Variants in ANKS1B observed in about 807,000 individuals in gnomAD.
ANKS1B encodes ankyrin repeat and sterile alpha motif domain-containing protein 1B.
A neutral mutation model predicts 148.3 loss-of-function variants in ANKS1B; 36 were observed. That is an observed-to-expected ratio of 0.24 (90% CI 0.19 to 0.32). The LOEUF (loss-of-function observed/expected upper bound fraction) is 0.32. ANKS1B is among the 10% of genes least tolerant of loss of function. The pLI, the probability that ANKS1B is intolerant of heterozygous loss-of-function variation, is 1.00. For missense variants in ANKS1B, 1,157 were observed against 1,542.6 expected (o/e 0.75, Z 4.19); for synonymous variants, 542 against 560.8 (o/e 0.97, Z 0.47).
At chr12:99,556,774 G>T (rs7398286) in intron 9 of ANKS1B, among the ~76,000 whole-genome samples, 1 of 151,978 alleles carries the variant, frequency 6.6e-6, no homozygotes, top group Non-Finnish European at 1.5e-5. Context: ...TCTTAGTATT[G>T]GTTTCTATTT....
chr12:98,806,602 T>C (rs1044361639), intron 20 of ANKS1B, among the ~76,000 whole-genome samples: 6 of 152,244 alleles, frequency 3.9e-5, no homozygotes, highest in East Asian at 1.9e-4. Context: ...AAGAATGCTA[T>C]ACACAGCTCT....
intron 14 of ANKS1B, among the ~76,000 whole-genome samples, chr12:99,236,278 T>C (rs2087905738): frequency 6.6e-6 from 1 of 152,200 alleles, no homozygotes; most frequent in Admixed American, 6.5e-5. Flanking sequence ...CTCTTCCTAT[T>C]TGGATGCTGT....
chr12:99,794,516 C>CA (rs759964420), intron 4 of ANKS1B, among the ~76,000 whole-genome samples: 3 of 142,434 alleles, frequency 2.1e-5, no homozygotes, highest in South Asian at 2.3e-4. Flanking sequence ...TATACAGCCA[C>CA]AAAAAAGAAT....
At chr12:99,649,200 G>A in intron 9 of ANKS1B, 1 of 1,006,536 alleles carries the variant, frequency 9.9e-7, no homozygotes, top group Non-Finnish European at 1.6e-6. Flanking sequence ...GTGTACTTGT[G>A]CAATAATTTC....
chr12:99,722,423 C>T (rs953472537), intron 8 of ANKS1B, among the ~76,000 whole-genome samples: 8 of 152,090 alleles, frequency 5.3e-5, no homozygotes, highest in African/African-American at 1.9e-4. Context: ...CTTTTAAGAA[C>T]GATGTTAAAT....
chr12:99,046,675 T>A (rs1007067451), intron 17 of ANKS1B, among the ~76,000 whole-genome samples: 2 of 152,000 alleles, frequency 1.3e-5, no homozygotes, highest in Non-Finnish European at 2.9e-5. Context: ...GGTGGGCACC[T>A]GTAGTCCCAG....
chr12:99,508,631 C>A (rs898663894), intron 9 of ANKS1B, among the ~76,000 whole-genome samples: 2 of 151,618 alleles, frequency 1.3e-5, no homozygotes, highest in Non-Finnish European at 2.9e-5. Flanking sequence ...CCAATATATA[C>A]CTGGTCATAA....
intron 1 of ANKS1B, among the ~76,000 whole-genome samples, chr12:99,901,473 T>C (rs2093597963): frequency 6.6e-6 from 1 of 152,206 alleles, no homozygotes; most frequent in Non-Finnish European, 1.5e-5. Context: ...GCAGCCTCTG[T>C]AGCAAAGGCA....
intron 4 of ANKS1B, among the ~76,000 whole-genome samples, chr12:99,785,259 G>A (rs988247529): frequency 8.4e-5 from 9 of 107,594 alleles, no homozygotes; most frequent in Admixed American, 2.0e-4. Context: ...TCAGTAGGTC[G>A]TGTGTGTGTG....
At chr12:98,849,334 C>G (rs985132068) in intron 17 of ANKS1B, among the ~76,000 whole-genome samples, 9 of 151,958 alleles carry the variant, frequency 5.9e-5, no homozygotes, top group Admixed American at 4.6e-4. Flanking sequence ...AGCCTCCCTG[C>G]AGGAAAATTA....
At position 98,744,796 on chromosome 12, in the gene ANKS1B, T is replaced by G; in HGVS notation, c.*943A>C. On this transcript the variant is annotated 3_prime_UTR_variant, in exon 27 of 27. Coordinates refer to ENST00000683438, the MANE Select transcript of ANKS1B (RefSeq NM_001352186.2). ...AAATCTTGACAGCAGGAGCACTAGA[T>G]TTTTTTTTTTTTAACATGTTCTTTA... 1 of 383,930 alleles carries G rather than the reference T, an allele frequency of 2.6e-6. No individual in the cohort carries two copies. Among genetic ancestry groups the G allele is most frequent in the Non-Finnish European group, 3.2e-6 (1 of 308,322 alleles). 23.8% of individuals were successfully genotyped at this position (383,930 alleles called of 1,614,324 possible).
At chr12:99,597,100 T>A (rs182480788) in intron 9 of ANKS1B, among the ~76,000 whole-genome samples, 2 of 152,112 alleles carry the variant, frequency 1.3e-5, no homozygotes, top group East Asian at 3.9e-4. Flanking sequence ...ACTAATATTG[T>A]CCATCTTTAT....
intron 1 of ANKS1B, among the ~76,000 whole-genome samples, chr12:99,836,475 C>T (rs2084879055): frequency 6.6e-6 from 1 of 152,002 alleles, no homozygotes; most frequent in Non-Finnish European, 1.5e-5. Context: ...TTACTTGATG[C>T]AATTCTCAAT....
At chr12:99,450,721 A>G (rs1281647332) in intron 10 of ANKS1B, among the ~76,000 whole-genome samples, 1 of 152,194 alleles carries the variant, frequency 6.6e-6, no homozygotes, top group African/African-American at 2.4e-5. Flanking sequence ...ATAAAGTCAT[A>G]TTTCTCTCTA....
At chr12:99,646,435 A>T (rs889386856) in intron 9 of ANKS1B, among the ~76,000 whole-genome samples, 2 of 152,066 alleles carry the variant, frequency 1.3e-5, no homozygotes, top group Non-Finnish European at 2.9e-5. Flanking sequence ...AGGCGGGCGA[A>T]TCACGAGGTC....
In ANKS1B at chr12:99,317,880, G is replaced by A. The variant is rs185732135; in HGVS notation, c.1757-71016C>T. On this transcript the variant is annotated intron_variant, in intron 12 of 26. Transcript: ENST00000683438. ...TTGAGAGTTTTTAGCATGAAGCGTT[G>A]TTGAATTTTGTCAAAGGCCTTTTCT... Among the ~76,000 whole-genome samples, 83 of 152,292 alleles carry A rather than the reference G, an allele frequency of 5.5e-4. 1 individual carries two copies. In the East Asian group the frequency reaches 8.3e-3, roughly 15 times the overall value.
chr12:98,915,378 G>A (rs569735070), intron 17 of ANKS1B, among the ~76,000 whole-genome samples: 8 of 152,032 alleles, frequency 5.3e-5, no homozygotes, highest in African/African-American at 1.9e-4. Flanking sequence ...TTTAGACAGA[G>A]TCTCACTCTG....
At chr12:99,474,425 A>G (rs1056269517) in intron 10 of ANKS1B, among the ~76,000 whole-genome samples, 7 of 152,160 alleles carry the variant, frequency 4.6e-5, no homozygotes, top group Admixed American at 3.9e-4. Context: ...GAAGAAATTA[A>G]TAAAATCAAG....
rs1257608282 is a variant in ANKS1B at position 99,482,640 on chromosome 12, A to G, written c.1438+21836T>C. ...TGGGCAGTATGGTCATTTTTCCATG[A>G]GCATGGGGTGAGTTTTCATTTGTTT... is the stretch of plus-strand genomic sequence containing the variant. On this transcript the variant is annotated intron_variant, in intron 10 of 26. Transcript: ENST00000683438. Among the ~76,000 whole-genome samples, 4 of 151,922 alleles carry G rather than the reference A, an allele frequency of 2.6e-5. No homozygotes were observed. The East Asian group carries it at 7.7e-4, about 29-fold the overall frequency.
Sources: allele counts gnomAD v4.1 joint callset (sites outside exome capture counted in the v4.1 genomes callset), GRCh38; gene constraint gnomAD v4.1.1; transcripts MANE v1.5; gene names NCBI Gene and HGNC (gene_info 2026-07-23, HGNC 2026-07-21).